Variants in OPCML observed in about 807,000 individuals in gnomAD.
OPCML encodes the protein opioid-binding protein/cell adhesion molecule.
Under a neutral mutation model 37.8 loss-of-function variants are expected in OPCML, and 13 were observed. The ratio of observed to expected loss-of-function variants is 0.34; its 90% CI spans 0.22 to 0.55. The LOEUF is 0.55. OPCML is among the 20% of genes least tolerant of loss of function. OPCML has a pLI of 0.91. For missense variants in OPCML, 341 were observed against 435.6 expected (o/e 0.78, Z 1.93); for synonymous variants, 176 against 168.8 (o/e 1.04, Z -0.33).
At chr11:132,764,577 A>G (rs1946374176) in intron 2 of OPCML, among the ~76,000 whole-genome samples, 1 of 152,224 alleles carries the variant, frequency 6.6e-6, no homozygotes, top group African/African-American at 2.4e-5. Context: ...CATGAGAATC[A>G]AACTAGATAA....
chr11:132,571,876 G>T (rs1253288013), intron 3 of OPCML, among the ~76,000 whole-genome samples: 1 of 151,992 alleles, frequency 6.6e-6, no homozygotes, highest in Non-Finnish European at 1.5e-5. Flanking sequence ...GTACCATTTT[G>T]CATTCCCACC....
chr11:132,505,899 A>C (rs1206218690), intron 4 of OPCML, among the ~76,000 whole-genome samples: 1 of 152,154 alleles, frequency 6.6e-6, no homozygotes, highest in Non-Finnish European at 1.5e-5. Context: ...GAAAAAAAAA[A>C]AAAATCTATG....
chr11:133,389,644 A>G (rs545126249), intron 1 of OPCML, among the ~76,000 whole-genome samples: 52 of 152,234 alleles, frequency 3.4e-4, no homozygotes, highest in African/African-American at 1.1e-3. Flanking sequence ...CTGAAGATAG[A>G]TTTTGCTTGA....
rs547336112 is a variant in OPCML at position 133,059,862 on chromosome 11, T to C, written c.62-116852A>G. Among the ~76,000 whole-genome samples, 10 of 152,338 alleles carry C rather than the reference T, an allele frequency of 6.6e-5. No individual in the cohort carries two copies. The South Asian group carries it at 2.1e-3, about 32-fold the overall frequency. On this transcript the variant is annotated intron_variant, in intron 1 of 7. Transcript: ENST00000524381. ...GGAATGAAATTAGTCAGTTGTTTCA[T>C]GGAAACCAACTCACAGTATCCACTG... is the stretch of plus-strand genomic sequence containing the variant.
chr11:133,186,970 G>A (rs1324898423), intron 1 of OPCML, among the ~76,000 whole-genome samples: 1 of 152,128 alleles, frequency 6.6e-6, no homozygotes, highest in Non-Finnish European at 1.5e-5. Flanking sequence ...AGAGGCATTC[G>A]TCGTGGTGGT....
Position 132,655,079 on chromosome 11 carries a change from A to T in OPCML, c.379+2008T>A, listed in dbSNP as rs557763358. Among the ~76,000 whole-genome samples the T allele has an allele frequency of 4.6e-5, 7 of 152,354 alleles. No individual in the cohort carries two copies. The South Asian group carries it at 1.4e-3, about 32-fold the overall frequency. ...TGGAGAACATCCTTCTCTGTTGCTCAGCCCCCAGCCCATTATGTTGTGCAT... is the reference window on the plus strand; with the variant it reads ...TGGAGAACATCCTTCTCTGTTGCTCTGCCCCCAGCCCATTATGTTGTGCAT... On this transcript the variant is annotated intron_variant, in intron 3 of 7. Coordinates refer to ENST00000524381, the MANE Select transcript of OPCML (RefSeq NM_001012393.5).
intron 1 of OPCML, among the ~76,000 whole-genome samples, chr11:133,389,458 T>A (rs1374750630): frequency 6.6e-6 from 1 of 152,212 alleles, no homozygotes; most frequent in East Asian, 1.9e-4. Context: ...AGCTCTTGTT[T>A]CCTTATAGAA....
intron 3 of OPCML, among the ~76,000 whole-genome samples, chr11:132,580,132 G>C (rs990931945): frequency 9.9e-5 from 15 of 152,128 alleles, no homozygotes; most frequent in Admixed American, 9.2e-4. Context: ...GACAACGCAG[G>C]CTCTGTCTTT....
intron 2 of OPCML, among the ~76,000 whole-genome samples, chr11:132,759,994 T>G (rs570802255): frequency 6.6e-6 from 1 of 152,220 alleles, no homozygotes; most frequent in Admixed American, 6.5e-5. Context: ...TCTGGTATCT[T>G]GTGTCTTTGT....
chr11:133,129,223 C>G (rs1189479000), intron 1 of OPCML, among the ~76,000 whole-genome samples: 1 of 152,052 alleles, frequency 6.6e-6, no homozygotes, highest in East Asian at 1.9e-4. Flanking sequence ...CTTCAGAGAT[C>G]TACAAAGAAC....
intron 2 of OPCML, among the ~76,000 whole-genome samples, chr11:132,839,466 T>C (rs1225978213): frequency 6.6e-6 from 1 of 152,240 alleles, no homozygotes; most frequent in Non-Finnish European, 1.5e-5. Flanking sequence ...TTTCCTTAAT[T>C]TTCCAGCATG....
intron 2 of OPCML, among the ~76,000 whole-genome samples, chr11:132,887,192 A>G (rs1010638473): frequency 6.6e-6 from 1 of 152,268 alleles, no homozygotes; most frequent in East Asian, 1.9e-4. Flanking sequence ...ATACACAAAT[A>G]CCACTGTATT....
chr11:133,390,357 G>C (rs991598290), intron 1 of OPCML, among the ~76,000 whole-genome samples: 1 of 152,248 alleles, frequency 6.6e-6, no homozygotes, highest in South Asian at 2.1e-4. Flanking sequence ...CAGCTACTCG[G>C]GAGGCTGAGG....
intron 1 of OPCML, among the ~76,000 whole-genome samples, chr11:133,290,562 T>C (rs1322517908): frequency 6.6e-6 from 1 of 152,188 alleles, no homozygotes; most frequent in Non-Finnish European, 1.5e-5. Flanking sequence ...AGGGCCACCC[T>C]CCATAGTCAG....
intron 4 of OPCML, among the ~76,000 whole-genome samples, chr11:132,524,544 A>T (rs981318758): frequency 3.3e-5 from 5 of 152,242 alleles, no homozygotes; most frequent in African/African-American, 7.2e-5. Context: ...ATGAATACAC[A>T]GTCAAAAGTT....
At chr11:133,356,800 A>T (rs1041466225) in intron 1 of OPCML, among the ~76,000 whole-genome samples, 1 of 152,212 alleles carries the variant, frequency 6.6e-6, no homozygotes, top group Admixed American at 6.5e-5. Flanking sequence ...GGAACCTCAG[A>T]GTCTCATCCA....
chr11:132,486,558 C>A (rs576966415), intron 4 of OPCML, among the ~76,000 whole-genome samples: 103 of 152,152 alleles, frequency 6.8e-4, no homozygotes, highest in African/African-American at 2.3e-3. Context: ...TCAAACCCCA[C>A]CAAAATCCTG....
chr11:133,063,301 C>G (rs989527223), intron 1 of OPCML, among the ~76,000 whole-genome samples: 3 of 152,082 alleles, frequency 2.0e-5, no homozygotes, highest in African/African-American at 7.2e-5. Flanking sequence ...GATGCCTTTT[C>G]CAGCCTCCTG....
At chr11:132,667,792 A>C (rs1942286750) in intron 2 of OPCML, among the ~76,000 whole-genome samples, 1 of 152,258 alleles carries the variant, frequency 6.6e-6, no homozygotes, top group African/African-American at 2.4e-5. Flanking sequence ...GCAGAAAATG[A>C]CATCAAAACT....
Sources: allele counts gnomAD v4.1 joint callset (sites outside exome capture counted in the v4.1 genomes callset), GRCh38; gene constraint gnomAD v4.1.1; transcripts MANE v1.5; gene names NCBI Gene and HGNC (gene_info 2026-07-23, HGNC 2026-07-21).